LPP: variants seen among roughly 807,000 people sequenced by gnomAD.
LPP encodes the protein lipoma-preferred partner.
A neutral mutation model predicts 60.4 loss-of-function variants in LPP; 38 were observed. The ratio of observed to expected loss-of-function variants is 0.63; its 90% CI spans 0.49 to 0.83. The LOEUF is 0.83. Ranked by LOEUF, LPP falls within the 40% of genes least tolerant of loss-of-function variation. The pLI is 0.00. For synonymous variants in LPP, 328 were observed against 290.8 expected, an observed-to-expected ratio of 1.13 and a Z score of -1.30; for missense variants, 902 against 783.6, an observed-to-expected ratio of 1.15 and a Z score of -1.80.
chr3:188,481,547 T>G (rs1040679321), intron 4 of LPP, among the ~76,000 whole-genome samples: 4 of 152,212 alleles, frequency 2.6e-5, no homozygotes, highest in Admixed American at 2.6e-4. Flanking sequence ...TGCCTCACTG[T>G]GTCTGAGTTC....
At chr3:188,250,277 T>C (rs780956189) in intron 2 of LPP, among the ~76,000 whole-genome samples, 32 of 152,194 alleles carry the variant, frequency 2.1e-4, no homozygotes, top group Non-Finnish European at 3.5e-4. Flanking sequence ...ACAATTATAG[T>C]ATTCCTCATT....
chr3:188,439,367 A>G (rs750618812), intron 4 of LPP, among the ~76,000 whole-genome samples: 2 of 152,242 alleles, frequency 1.3e-5, no homozygotes, highest in African/African-American at 2.4e-5. Flanking sequence ...ACAGCTCTCA[A>G]GAGAGTTCTA....
chr3:188,161,926 G>A (rs777862813), intron 1 of LPP, among the ~76,000 whole-genome samples: 3 of 152,178 alleles, frequency 2.0e-5, no homozygotes, highest in Non-Finnish European at 4.4e-5. Context: ...GCTTGTTTGT[G>A]AGAACCAAGC....
chr3:188,647,219 C>T (rs1424321559), intron 7 of LPP, among the ~76,000 whole-genome samples: 1 of 152,200 alleles, frequency 6.6e-6, no homozygotes, highest in Admixed American at 6.5e-5. Flanking sequence ...CTGGGCCCAC[C>T]CTGTGCAGGA....
At chr3:188,364,912 C>T (rs1339820511) in intron 3 of LPP, among the ~76,000 whole-genome samples, 2 of 141,314 alleles carry the variant, frequency 1.4e-5, no homozygotes, top group Non-Finnish European at 3.2e-5. Context: ...GGAGTCCATT[C>T]TAATAAATGT....
In LPP at chr3:188,874,350, G is replaced by A; in HGVS notation, c.1711-1G>A. On this transcript the variant is annotated splice_acceptor_variant, in intron 11 of 11. Coordinates refer to ENST00000617246, the MANE Select transcript of LPP (RefSeq NM_001375462.1). LOFTEE classifies it high-confidence loss of function. ...GTTTCCATCTGTCTTTACTGTTCTA[G>A]GATTGCGGTGGTCTCCTGTCTGAAG... The A allele has an allele frequency of 6.2e-7, 1 of 1,613,350 alleles. No homozygotes were observed. The highest frequency in any genetic ancestry group is 8.5e-7 in the Non-Finnish European group (1 of 1,179,458).
intron 6 of LPP, among the ~76,000 whole-genome samples, chr3:188,580,035 A>G (rs1835706054): frequency 6.6e-6 from 1 of 152,116 alleles, no homozygotes; most frequent in African/African-American, 2.4e-5. Flanking sequence ...CACAACACAC[A>G]TATATAAAAT....
rs375631869 is a variant in LPP at position 188,497,709 on chromosome 3, T to A, written c.306+13005T>A. On this transcript the variant is annotated intron_variant, in intron 5 of 11. Coordinates refer to ENST00000617246, the MANE Select transcript of LPP (RefSeq NM_001375462.1). The stretch of plus-strand genomic sequence containing the variant: ...CAGAAAATACAGCAACCAGAAGAGT[T>A]TTTCACTGTGCATGTTCAGAAGACT... Among the ~76,000 whole-genome samples, 106 of 152,216 alleles carry A rather than the reference T, an allele frequency of 7.0e-4. 4 individuals are homozygous for A. The South Asian group carries it at 0.021, about 30-fold the overall frequency.
chr3:188,203,526 A>AATATATATATTTAAATAT (rs1184377672), intron 1 of LPP, among the ~76,000 whole-genome samples: 1 of 32,462 alleles, frequency 3.1e-5, no homozygotes, highest in African/African-American at 9.0e-5. Context: ...AATATATATA[A>AATATATATATTTAAATAT]ATATATATTT....
intron 3 of LPP, among the ~76,000 whole-genome samples, chr3:188,380,689 A>G (rs945732224): frequency 3.9e-5 from 6 of 152,218 alleles, no homozygotes; most frequent in African/African-American, 1.4e-4. Context: ...TTAGTGGTCC[A>G]TGAACCTCCT....
intron 6 of LPP, among the ~76,000 whole-genome samples, chr3:188,527,117 C>A (rs1315835326): frequency 6.6e-6 from 1 of 152,052 alleles, no homozygotes. Flanking sequence ...GCAGATGAAG[C>A]CTTTGAAGGC....
intron 9 of LPP, among the ~76,000 whole-genome samples, chr3:188,805,087 A>T (rs1161666847): frequency 6.6e-6 from 1 of 151,908 alleles, no homozygotes; most frequent in East Asian, 1.9e-4. Flanking sequence ...GTGTTATTGG[A>T]TTTAATTTGC....
At position 188,610,179 on chromosome 3, in the gene LPP, G is replaced by A. The variant is rs891307940; in HGVS notation, c.1113+335G>A. On this transcript the variant is annotated intron_variant, in intron 7 of 11. Coordinates refer to ENST00000617246, the MANE Select transcript of LPP (RefSeq NM_001375462.1). The surrounding 1 kb of genome is among the most constrained non-coding windows in gnomAD (Gnocchi z 4.4). The stretch of plus-strand genomic sequence containing the variant: ...CACATCCTTCCCTATATTGGTTAAA[G>A]CTTCCCTCTGTTGTGCAGAAACTTC... Among the ~76,000 whole-genome samples the A allele has an allele frequency of 2.6e-5, 4 of 152,192 alleles. No homozygotes were observed. Among genetic ancestry groups the A allele is most frequent in the African/African-American group, 9.6e-5 (4 of 41,454 alleles).
intron 9 of LPP, among the ~76,000 whole-genome samples, chr3:188,761,986 A>G (rs1258077205): frequency 6.9e-6 from 1 of 145,464 alleles, no homozygotes; most frequent in African/African-American, 2.6e-5. Flanking sequence ...GGTTGTCCTT[A>G]CACCAAGTAA....
chr3:188,174,066 C>T (rs1432003443), intron 1 of LPP, among the ~76,000 whole-genome samples: 4 of 152,080 alleles, frequency 2.6e-5, no homozygotes, highest in African/African-American at 9.7e-5. Context: ...CAGCCTGGAA[C>T]GTAGTAGGTT....
intron 7 of LPP, among the ~76,000 whole-genome samples, chr3:188,655,733 TCTA>T (rs1341518327): frequency 6.6e-6 from 1 of 152,160 alleles, no homozygotes; most frequent in Non-Finnish European, 1.5e-5. Context: ...CTACTAGAAA[TCTA>T]CTATAGAATA....
At chr3:188,328,598 A>G (rs2150474649) in intron 2 of LPP, among the ~76,000 whole-genome samples, 1 of 152,298 alleles carries the variant, frequency 6.6e-6, no homozygotes, top group South Asian at 2.1e-4. Context: ...TTAAAGAACC[A>G]TAGTTCGTCA....
chr3:188,599,751 G>GGTGTGTGT (rs71169011), intron 6 of LPP, among the ~76,000 whole-genome samples: 16,169 of 139,672 alleles, frequency 0.12, 1,021 homozygotes, highest in South Asian at 0.2. Flanking sequence ...ACTCGTTAGG[G>GGTGTGTGT]GTGTGTGTGT....
intron 5 of LPP, among the ~76,000 whole-genome samples, chr3:188,509,211 A>G (rs1202129656): frequency 1.3e-5 from 2 of 152,194 alleles, no homozygotes; most frequent in African/African-American, 4.8e-5. Context: ...TCTTTTATAC[A>G]CAACATACCA....
Sources: allele counts gnomAD v4.1 joint callset (sites outside exome capture counted in the v4.1 genomes callset), GRCh38; gene constraint gnomAD v4.1.1; non-coding constraint Gnocchi (gnomAD v3.1); transcripts MANE v1.5; gene names NCBI Gene and HGNC (gene_info 2026-07-23, HGNC 2026-07-21).